The following MKNK2 variants were observed in gnomAD, a reference collection of about 807,000 sequenced individuals.
The protein encoded by MKNK2 is MAPK interacting serine/threonine kinase 2.
MKNK2 carries 54 observed loss-of-function variants against 55.0 expected under a neutral mutation model. The ratio of observed to expected loss-of-function variants is 0.98; its 90% CI spans 0.79 to 1.23. The LOEUF (loss-of-function observed/expected upper bound fraction) is 1.23, where lower values mean the gene tolerates loss of function less well. MKNK2 is among the 50% of genes most tolerant of loss of function. The pLI, the probability that MKNK2 is intolerant of heterozygous loss-of-function variation, is 0.00. For missense variants in MKNK2, 685 were observed against 632.1 expected (o/e 1.08, Z -0.90); for synonymous variants, 323 against 256.0 (o/e 1.26, Z -2.50).
Position 2,037,931 on chromosome 19 carries a change from C to T in MKNK2, c.*1682G>A. The T allele has an allele frequency of 7.2e-7, 1 of 1,397,786 alleles. No individual in the cohort carries two copies. The highest frequency in any genetic ancestry group is 9.4e-7 in the Non-Finnish European group (1 of 1,061,980). The allele number at this position is 1,397,786 out of a possible 1,614,324, so 86.6% of individuals were successfully genotyped here. A position where few individuals can be genotyped will look rare whatever the true frequency, so the allele number is the denominator to read the frequency against. On this transcript the variant is annotated 3_prime_UTR_variant, in exon 14 of 14. Coordinates refer to ENST00000250896, the MANE Select transcript of MKNK2 (RefSeq NM_199054.3). ...CCTGCAGCGGGCGGGGGTCCATTTG[C>T]TTGTTCTTTGATACAAAAAGGCAGA...
intron 2 of MKNK2, among the ~76,000 whole-genome samples, chr19:2,048,012 T>C (rs748519357): frequency 2.6e-5 from 4 of 151,734 alleles, no homozygotes; most frequent in South Asian, 2.1e-4. Flanking sequence ...CGAGTCAGTA[T>C]ACACAGTGCT....
intron 5 of MKNK2, among the ~76,000 whole-genome samples, chr19:2,045,885 G>C (rs1162639617): frequency 1.3e-5 from 2 of 152,180 alleles, no homozygotes; most frequent in East Asian, 3.9e-4. Flanking sequence ...CTGGGCCCTG[G>C]GATATGACAT....
Position 2,037,974 on chromosome 19 carries a change from A to C in MKNK2, c.*1639T>G. On this transcript the variant is annotated 3_prime_UTR_variant, in exon 14 of 14. Coordinates refer to ENST00000250896, the MANE Select transcript of MKNK2 (RefSeq NM_199054.3). ...AAGGCAGAGAATCCCCCGTTACGAA[A>C]CATGGAATCACTGACAGGCGAGAAG... 1 of 1,376,716 alleles carries C rather than the reference A, an allele frequency of 7.3e-7. No individual in the cohort carries two copies. The highest frequency in any genetic ancestry group is 2.6e-5 in the East Asian group (1 of 38,274). 85.3% of individuals were successfully genotyped at this position (1,376,716 alleles called of 1,614,324 possible).
Position 2,037,752 on chromosome 19 carries a change from G to T in MKNK2, c.*1861C>A. ...CCTCCAGGATCTTCACTCATTCACA[G>T]TAACGGTTCTGACCAGTCCTCCAGG... On this transcript the variant is annotated 3_prime_UTR_variant, in exon 14 of 14. Transcript: ENST00000250896. The T allele has an allele frequency of 6.3e-7, 1 of 1,599,140 alleles. No individual in the cohort carries two copies. The highest frequency in any genetic ancestry group is 2.2e-5 in the East Asian group (1 of 44,596).
chr19:2,041,430 G>C (rs2016879681), intron 11 of MKNK2, among the ~76,000 whole-genome samples: 1 of 152,138 alleles, frequency 6.6e-6, no homozygotes, highest in Admixed American at 6.5e-5. Context: ...GGGACCACAG[G>C]CCACAGATGC....
chr19:2,048,197 A>G (rs541312592), intron 2 of MKNK2, among the ~76,000 whole-genome samples: 1 of 152,170 alleles, frequency 6.6e-6, no homozygotes, highest in East Asian at 1.9e-4. Context: ...GCCAGGATTC[A>G]AATCCAGGCC....
chr19:2,038,690 A>G lies in MKNK2; in HGVS notation c.*923T>C, dbSNP rs34824515. 3.2e-4 allele frequency: 319 copies of G among 985,598 alleles called. No individual in the cohort carries two copies. The highest frequency in any genetic ancestry group is 3.7e-4 in the Admixed American group (6 of 16,270). 61.1% of individuals were successfully genotyped at this position (985,598 alleles called of 1,614,324 possible). On this transcript the variant is annotated 3_prime_UTR_variant, in exon 14 of 14. Transcript: ENST00000250896. ...GGGCGGCGCGAGGCAGGACGTGGCT[A>G]CGGTCAGACTGAGCCCTGAGAAGGG...
Position 2,050,788 on chromosome 19 carries a change from C to A in MKNK2, c.51+13G>T. ...CCAGCCCGGAGCGCCCCCAAACCGA[C>A]CCCGGGCCTCACCTTGAACGAACGG... On this transcript the variant is annotated intron_variant, in intron 2 of 13. Coordinates refer to ENST00000250896, the MANE Select transcript of MKNK2 (RefSeq NM_199054.3). 7 of 1,535,892 alleles carry A rather than the reference C, an allele frequency of 4.6e-6. No homozygotes were observed. Among genetic ancestry groups the A allele is most frequent in the Non-Finnish European group, 6.1e-6 (7 of 1,141,306 alleles).
At chr19:2,041,642 G>A (rs768795790) in intron 11 of MKNK2, among the ~76,000 whole-genome samples, 198 bp downstream of exon 11, 2 of 152,118 alleles carry the variant, frequency 1.3e-5, no homozygotes, top group East Asian at 1.9e-4. Flanking sequence ...GTCCCCAGGG[G>A]TTAGGGGGAG....
chr19:2,040,106 G>A lies in MKNK2; in HGVS notation c.1154+28C>T, dbSNP rs759904788. 5.1e-6 allele frequency: 8 copies of A among 1,578,480 alleles called. No homozygotes were observed. The East Asian group carries it at 1.6e-4, about 32-fold the overall frequency. ...TGGAAACCCCGCCCCCTGGACTCAG[G>A]GGTCCCGAGCACCCCTGCGGGCCTT... On this transcript the variant is annotated intron_variant, in intron 13 of 13. Coordinates refer to ENST00000250896, the MANE Select transcript of MKNK2 (RefSeq NM_199054.3).
Position 2,042,243 on chromosome 19 carries a change from A to T in MKNK2, c.750+184T>A, listed in dbSNP as rs968887427. ...CCGCGGCCCCGCCCCACCCGGCCAA[A>T]CACCGACGCGTTGGGGCGCCTGCTC... is the stretch of plus-strand genomic sequence containing the variant. On this transcript the variant is annotated intron_variant, in intron 10 of 13. Coordinates refer to ENST00000250896, the MANE Select transcript of MKNK2 (RefSeq NM_199054.3). 7 of 727,690 alleles carry T rather than the reference A, an allele frequency of 9.6e-6. No homozygotes were observed. In the African/African-American group the frequency reaches 1.1e-4, roughly 12 times the overall value. The allele number at this position is 727,690 out of a possible 1,614,324, so 45.1% of individuals were successfully genotyped here.
In MKNK2 at chr19:2,039,252, C is replaced by A. The variant is rs2145681884; in HGVS notation, c.*361G>T. On this transcript the variant is annotated 3_prime_UTR_variant, in exon 14 of 14. Transcript: ENST00000250896. ...GTGGGCCTGCTCTCCTGAGTCACTGCAAGCCACGTGGGCAGATGGCGGGCA... is the reference window on the plus strand; with the variant it reads ...GTGGGCCTGCTCTCCTGAGTCACTGAAAGCCACGTGGGCAGATGGCGGGCA... 9 of 1,119,692 alleles carry A rather than the reference C, an allele frequency of 8.0e-6. No homozygotes were observed. The highest frequency in any genetic ancestry group is 3.2e-5 in the African/African-American group (2 of 63,024). The allele number at this position is 1,119,692 out of a possible 1,614,324, so 69.4% of individuals were successfully genotyped here.
At chr19:2,041,313 A>C in intron 11 of MKNK2, 109 bp from the exon 12 acceptor site, 1 of 1,152,412 alleles carries the variant, frequency 8.7e-7, no homozygotes, top group Non-Finnish European at 1.2e-6. Context: ...CAGGCCCTAG[A>C]CCACGCACGC....
intron 2 of MKNK2, among the ~76,000 whole-genome samples, chr19:2,049,216 C>T (rs2017061691): frequency 6.6e-6 from 1 of 152,224 alleles, no homozygotes; most frequent in South Asian, 2.1e-4. Context: ...GCACACGCGC[C>T]TGCAGTCTCA....
At chr19:2,050,419 G>A (rs1260140532) in intron 2 of MKNK2, among the ~76,000 whole-genome samples, 1 of 152,230 alleles carries the variant, frequency 6.6e-6, no homozygotes, top group Non-Finnish European at 1.5e-5. Flanking sequence ...GAGCTTGCAG[G>A]GGACACCCCC....
intron 6 of MKNK2, 108 bp from the exon 7 acceptor site, chr19:2,043,305 G>A (rs907154290): frequency 1.5e-5 from 16 of 1,073,598 alleles, no homozygotes; most frequent in Middle Eastern, 2.1e-4. Context: ...CCTGTCCACC[G>A]GAAGCTGGGA....
chr19:2,041,337 G>C (rs544568596), intron 11 of MKNK2, 133 bp from the exon 12 acceptor site: 1 of 897,716 alleles, frequency 1.1e-6, no homozygotes, highest in Middle Eastern at 2.5e-4. Context: ...GGGCAGAGGG[G>C]GCTGGGAGCC....
rs576170352 is a variant in MKNK2, at chr19:2,040,195, G to C, written c.1111-18C>G. The C allele has an allele frequency of 6.4e-7, 1 of 1,564,848 alleles. No homozygotes were observed. The highest frequency in any genetic ancestry group is 8.7e-7 in the Non-Finnish European group (1 of 1,155,258). ...GGGGCGCACTGCAACGAGAGTGGGCGGGGGCAGGGCTGGAGAGCAGCTGGG... is the reference window on the plus strand; with the variant it reads ...GGGGCGCACTGCAACGAGAGTGGGCCGGGGCAGGGCTGGAGAGCAGCTGGG... On this transcript the variant is annotated intron_variant, in intron 12 of 13. Coordinates refer to ENST00000250896, the MANE Select transcript of MKNK2 (RefSeq NM_199054.3).
At chr19:2,048,796 A>AG (rs916368093) in intron 2 of MKNK2, among the ~76,000 whole-genome samples, 49 of 150,718 alleles carry the variant, frequency 3.3e-4, no homozygotes, top group Admixed American at 8.6e-4. Flanking sequence ...GAGGGAAGGA[A>AG]GGGGGGGGCT....
Sources: allele counts gnomAD v4.1 joint callset (sites outside exome capture counted in the v4.1 genomes callset), GRCh38; gene constraint gnomAD v4.1.1; transcripts MANE v1.5; gene names NCBI Gene and HGNC (gene_info 2026-07-23, HGNC 2026-07-21).